The following ATP8A2 variants were observed in gnomAD, a reference collection of about 807,000 sequenced individuals.
ATP8A2 encodes phospholipid-transporting ATPase IB.
A neutral mutation model predicts 165.6 loss-of-function variants in ATP8A2; 100 were observed. The ratio of observed to expected loss-of-function variants is 0.60; its 90% confidence interval spans 0.51 to 0.71. ATP8A2 has a LOEUF of 0.71. ATP8A2 is among the 30% of genes least tolerant of loss of function. The pLI, the probability that ATP8A2 is intolerant of heterozygous loss-of-function variation, is 0.00. For synonymous variants in ATP8A2, 543 were observed against 548.8 expected, an observed-to-expected ratio of 0.99 and a Z score of 0.15; for missense variants, 1,227 against 1,479.5, an observed-to-expected ratio of 0.83 and a Z score of 2.80.
chr13:25,379,734 G>A (rs1157746938), intron 1 of ATP8A2, among the ~76,000 whole-genome samples: 1 of 152,206 alleles, frequency 6.6e-6, no homozygotes, highest in Non-Finnish European at 1.5e-5. Context: ...GCCCTGCTAA[G>A]CGTGTAAGAT....
chr13:25,566,586 C>T (rs186958641), intron 16 of ATP8A2, among the ~76,000 whole-genome samples: 9 of 152,214 alleles, frequency 5.9e-5, no homozygotes, highest in East Asian at 1.9e-4. Context: ...TCCAGTTTCA[C>T]GAGCTTGCTT....
chr13:25,876,476 T>C (rs1331804347), intron 33 of ATP8A2, among the ~76,000 whole-genome samples: 3 of 152,034 alleles, frequency 2.0e-5, no homozygotes, highest in Admixed American at 2.0e-4. Context: ...CTGACTGTGA[T>C]GGGGAAGGCC....
intron 27 of ATP8A2, among the ~76,000 whole-genome samples, chr13:25,816,725 T>G (rs80158563): frequency 6.6e-6 from 1 of 152,154 alleles, no homozygotes; most frequent in East Asian, 1.9e-4. Context: ...TATATATATG[T>G]GATTCTTTCC....
chr13:25,710,100 G>A (rs1373205941), intron 25 of ATP8A2, among the ~76,000 whole-genome samples: 2 of 152,064 alleles, frequency 1.3e-5, no homozygotes, highest in Non-Finnish European at 2.9e-5. Context: ...TGGAGAAGGA[G>A]GAGACTTTTA....
At chr13:25,824,585 G>A (rs1369922418) in intron 27 of ATP8A2, among the ~76,000 whole-genome samples, 1 of 152,066 alleles carries the variant, frequency 6.6e-6, no homozygotes, top group East Asian at 1.9e-4. Context: ...TTCCTGCTCT[G>A]GTCTCCTATC....
chr13:25,399,189 A>G (rs994790038), intron 1 of ATP8A2, among the ~76,000 whole-genome samples: 1 of 152,066 alleles, frequency 6.6e-6, no homozygotes, highest in Non-Finnish European at 1.5e-5. Flanking sequence ...CTTACACTGA[A>G]GCATGCACTG....
At chr13:25,994,084 T>A (rs913790994) in intron 35 of ATP8A2, among the ~76,000 whole-genome samples, 4 of 152,164 alleles carry the variant, frequency 2.6e-5, no homozygotes, top group African/African-American at 9.7e-5. Flanking sequence ...GTATTTCATA[T>A]ATTTTTGAAC....
chr13:25,551,663 T>G (rs2038828621), intron 11 of ATP8A2, among the ~76,000 whole-genome samples, 160 bp downstream of exon 11: 1 of 152,224 alleles, frequency 6.6e-6, no homozygotes, highest in African/African-American at 2.4e-5. Flanking sequence ...TAGGATCATG[T>G]GATGAAATGA....
At chr13:25,725,556 C>T (rs560256611) in intron 25 of ATP8A2, among the ~76,000 whole-genome samples, 4 of 152,262 alleles carry the variant, frequency 2.6e-5, no homozygotes, top group East Asian at 3.9e-4. Context: ...TCTTCTGGAG[C>T]GCTGGTCACT....
chr13:25,600,989 T>G (rs1447133552), intron 24 of ATP8A2, among the ~76,000 whole-genome samples: 1 of 152,206 alleles, frequency 6.6e-6, no homozygotes, highest in African/African-American at 2.4e-5. Context: ...CAGTCGATTC[T>G]TCATGGTACT....
Position 25,925,764 on chromosome 13 carries a change from G to A in ATP8A2, c.3184-35811G>A, listed in dbSNP as rs187158554. On this transcript the variant is annotated intron_variant, in intron 33 of 36. Transcript: ENST00000381655. The stretch of plus-strand genomic sequence containing the variant: ...TTTTTTTGAGACGGAGTTTGCTCTT[G>A]TTGCCCAGGCAGGAGTGCAATGGCA... Among the ~76,000 whole-genome samples, 21 of 144,436 alleles carry A rather than the reference G, an allele frequency of 1.5e-4. No homozygotes were observed. The South Asian group carries it at 3.0e-3, about 21-fold the overall frequency. The allele number at this position is 144,436 out of a possible 152,430, so 94.8% of individuals were successfully genotyped here.
intron 2 of ATP8A2, among the ~76,000 whole-genome samples, chr13:25,516,716 ACT>A (rs1205661295): frequency 6.8e-6 from 1 of 147,436 alleles, no homozygotes. Context: ...AAATCTCATA[ACT>A]CTTTTTTTTT....
At chr13:25,524,501 T>A (rs568678301) in intron 2 of ATP8A2, among the ~76,000 whole-genome samples, 4 of 152,282 alleles carry the variant, frequency 2.6e-5, no homozygotes, top group Admixed American at 2.6e-4. Flanking sequence ...TATCTCTTGC[T>A]TTAGATATAT....
intron 16 of ATP8A2, among the ~76,000 whole-genome samples, chr13:25,566,747 A>C (rs2039325834): frequency 1.3e-5 from 2 of 152,222 alleles, no homozygotes; most frequent in South Asian, 4.1e-4. Flanking sequence ...CTCATTTCAC[A>C]ATCTATTTAA....
intron 25 of ATP8A2, among the ~76,000 whole-genome samples, chr13:25,723,542 AT>A (rs2043429516): frequency 6.6e-6 from 1 of 151,954 alleles, no homozygotes; most frequent in African/African-American, 2.4e-5. Context: ...GCTTTTCTGT[AT>A]TGATTTTAAA....
At chr13:25,684,752 C>T (rs2042565972) in intron 24 of ATP8A2, among the ~76,000 whole-genome samples, 1 of 11,422 alleles carries the variant, frequency 8.8e-5, no homozygotes, top group African/African-American at 1.8e-4. Context: ...AGAGCCACTT[C>T]TCTTTTTTTT....
At chr13:25,890,331 T>A (rs758211811) in intron 33 of ATP8A2, among the ~76,000 whole-genome samples, 2 of 152,230 alleles carry the variant, frequency 1.3e-5, no homozygotes, top group Non-Finnish European at 2.9e-5. Context: ...ATCTTTTTCA[T>A]CTTTTGTATC....
At chr13:25,752,723 T>C (rs1386985625) in intron 25 of ATP8A2, among the ~76,000 whole-genome samples, 4 of 152,196 alleles carry the variant, frequency 2.6e-5, no homozygotes, top group Non-Finnish European at 4.4e-5. Context: ...CCAGTGCTTG[T>C]TTGCCCACAC....
chr13:25,729,902 C>G (rs916978349), intron 25 of ATP8A2, among the ~76,000 whole-genome samples: 2 of 152,104 alleles, frequency 1.3e-5, no homozygotes, highest in African/African-American at 4.8e-5. Flanking sequence ...GATTGCTTTC[C>G]CTCTGAGTCT....
Sources: gnomAD v4.1 joint callset for allele counts (sites outside exome capture counted in the v4.1 genomes callset) on GRCh38, gnomAD v4.1.1 for gene constraint, MANE v1.5 for transcripts, NCBI Gene and HGNC (gene_info 2026-07-23, HGNC 2026-07-21) for gene names.